Variants in SLC35F1 observed in about 807,000 individuals in gnomAD.
SLC35F1 encodes the protein chromosome 6 open reading frame 169.
In SLC35F1, 14 loss-of-function variants were observed where a neutral mutation model predicts 48.7. The ratio of observed to expected loss-of-function variants is 0.29; its 90% CI spans 0.19 to 0.45. The LOEUF (loss-of-function observed/expected upper bound fraction) is 0.45. Ranked by LOEUF, SLC35F1 falls within the 20% of genes least tolerant of loss-of-function variation. The pLI is 1.00. For missense variants in SLC35F1, 404 were observed against 500.0 expected, an observed-to-expected ratio of 0.81 and a Z score of 1.83; for synonymous variants, 190 against 202.2, an observed-to-expected ratio of 0.94 and a Z score of 0.51.
At chr6:117,964,697 G>C (rs1438726383) in intron 1 of SLC35F1, among the ~76,000 whole-genome samples, 4 of 152,146 alleles carry the variant, frequency 2.6e-5, no homozygotes, top group Non-Finnish European at 1.5e-5. Context: ...GAAGATTTAG[G>C]CTCTGGCTTG....
chr6:118,116,598 C>G (rs927067966), intron 1 of SLC35F1, among the ~76,000 whole-genome samples: 1 of 152,140 alleles, frequency 6.6e-6, no homozygotes, highest in Non-Finnish European at 1.5e-5. Flanking sequence ...TTTCAAGTTG[C>G]CTTCTTTCTG....
At chr6:117,968,748 G>T (rs1776603017) in intron 1 of SLC35F1, among the ~76,000 whole-genome samples, 1 of 152,094 alleles carries the variant, frequency 6.6e-6, no homozygotes, top group African/African-American at 2.4e-5. Flanking sequence ...TGCTGTTTCT[G>T]GGTCCCTGAG....
chr6:118,179,961 A>T (rs1774549299), intron 2 of SLC35F1, among the ~76,000 whole-genome samples: 1 of 152,186 alleles, frequency 6.6e-6, no homozygotes, highest in Non-Finnish European at 1.5e-5. Flanking sequence ...CCAGAGACCT[A>T]GAGTAAATCC....
At chr6:118,200,608 C>T (rs1191934528) in intron 2 of SLC35F1, among the ~76,000 whole-genome samples, 3 of 152,144 alleles carry the variant, frequency 2.0e-5, no homozygotes, top group Admixed American at 6.5e-5. Context: ...AAAACAGCAC[C>T]TTTAGGCTTT....
chr6:118,011,722 GC>G (rs1457798059), intron 1 of SLC35F1, among the ~76,000 whole-genome samples: 3 of 152,150 alleles, frequency 2.0e-5, no homozygotes, highest in Non-Finnish European at 4.4e-5. Context: ...CTGCTGTGCT[GC>G]CCAATTCCAA....
At chr6:118,167,714 G>T (rs1209007852) in intron 2 of SLC35F1, among the ~76,000 whole-genome samples, 3 of 152,064 alleles carry the variant, frequency 2.0e-5, no homozygotes, top group Non-Finnish European at 2.9e-5. Flanking sequence ...CCCTACTGTA[G>T]ATTTTATAGA....
chr6:118,238,460 G>A (rs1775395310), intron 3 of SLC35F1, among the ~76,000 whole-genome samples: 1 of 119,960 alleles, frequency 8.3e-6, no homozygotes, highest in African/African-American at 3.0e-5. Flanking sequence ...TAATAATAAT[G>A]GGAATTTATT....
At chr6:118,219,772 T>C (rs1775121618) in intron 2 of SLC35F1, among the ~76,000 whole-genome samples, 3 of 152,196 alleles carry the variant, frequency 2.0e-5, no homozygotes, top group African/African-American at 7.2e-5. Flanking sequence ...CCAACCCAAA[T>C]GTCCATCAGT....
intron 1 of SLC35F1, among the ~76,000 whole-genome samples, chr6:117,927,487 C>T (rs1313444388): frequency 1.3e-5 from 2 of 152,062 alleles, no homozygotes; most frequent in Non-Finnish European, 2.9e-5. Context: ...GGAGGGAAGG[C>T]GTGTTGACCT....
At chr6:118,089,683 C>T (rs1460523399) in intron 1 of SLC35F1, among the ~76,000 whole-genome samples, 1 of 152,096 alleles carries the variant, frequency 6.6e-6, no homozygotes, top group Non-Finnish European at 1.5e-5. Flanking sequence ...AAAGACAGAC[C>T]CTTGGAAGAG....
intron 1 of SLC35F1, among the ~76,000 whole-genome samples, chr6:117,914,393 A>C (rs1775802663): frequency 6.6e-6 from 1 of 152,158 alleles, no homozygotes; most frequent in Admixed American, 6.5e-5. Flanking sequence ...TTTAAAACCA[A>C]ATCATACTAA....
chr6:117,912,996 T>C (rs991424374), intron 1 of SLC35F1, among the ~76,000 whole-genome samples: 2 of 152,248 alleles, frequency 1.3e-5, no homozygotes, highest in Non-Finnish European at 2.9e-5. Context: ...TATAGGCAAT[T>C]GAGCTGCTGC....
At chr6:118,198,151 T>A (rs1774826927) in intron 2 of SLC35F1, among the ~76,000 whole-genome samples, 1 of 152,198 alleles carries the variant, frequency 6.6e-6, no homozygotes, top group Non-Finnish European at 1.5e-5. Flanking sequence ...TTAAATAAGC[T>A]TGGACTTCAA....
chr6:117,944,912 A>G (rs1333552675), intron 1 of SLC35F1, among the ~76,000 whole-genome samples: 1 of 152,140 alleles, frequency 6.6e-6, no homozygotes, highest in Non-Finnish European at 1.5e-5. Flanking sequence ...GTCTTTGACA[A>G]GGTACAGCAG....
intron 1 of SLC35F1, among the ~76,000 whole-genome samples, chr6:118,070,113 G>A (rs1321306448): frequency 2.3e-5 from 3 of 131,794 alleles, no homozygotes; most frequent in Admixed American, 8.9e-5. Flanking sequence ...TCCGCAGTCC[G>A]GCCTGGGCGA....
At chr6:118,302,337 G>T (rs1209847954) in intron 7 of SLC35F1, among the ~76,000 whole-genome samples, 1 of 152,096 alleles carries the variant, frequency 6.6e-6, no homozygotes, top group Non-Finnish European at 1.5e-5. Context: ...ATTCTAAACT[G>T]ATTTCACACA....
At chr6:118,017,071 G>A (rs1777332085) in intron 1 of SLC35F1, among the ~76,000 whole-genome samples, 1 of 152,226 alleles carries the variant, frequency 6.6e-6, no homozygotes, top group Non-Finnish European at 1.5e-5. Flanking sequence ...TTCTGGAAAA[G>A]TTACTGTTGC....
chr6:117,915,842 G>A (rs1775819302), intron 1 of SLC35F1, among the ~76,000 whole-genome samples: 1 of 152,170 alleles, frequency 6.6e-6, no homozygotes, highest in Admixed American at 6.5e-5. Context: ...TAGAGGGGAA[G>A]AAATGTGAGT....
At chr6:117,944,310 ACTGT>A (rs1169354612) in intron 1 of SLC35F1, among the ~76,000 whole-genome samples, 5 of 152,246 alleles carry the variant, frequency 3.3e-5, no homozygotes, top group Admixed American at 6.6e-5. Context: ...GAAAAGATAA[ACTGT>A]CTGTGTGTAG....
Sources: gnomAD v4.1 joint callset for allele counts (sites outside exome capture counted in the v4.1 genomes callset) on GRCh38, gnomAD v4.1.1 for gene constraint, MANE v1.5 for transcripts, NCBI Gene and HGNC (gene_info 2026-07-23, HGNC 2026-07-21) for gene names.